Variants in ARK2N observed in about 807,000 individuals in gnomAD.
ARK2N encodes the protein protein ARK2N.
chr18:46,221,079 T>C, the ARK2N span, among the ~76,000 whole-genome samples: 1 of 152,146 alleles, frequency 6.6e-6, no homozygotes, highest in Non-Finnish European at 1.5e-5. Flanking sequence ...GAGGCTGTAG[T>C]GAGCCATGAT....
At chr18:46,182,240 G>A in the ARK2N span, among the ~76,000 whole-genome samples, 2,649 of 152,286 alleles carry the variant, frequency 0.017, 72 homozygotes, top group African/African-American at 0.06. Context: ...TAAATCAACA[G>A]TTTAGTGTCA....
chr18:46,200,709 G>A, the ARK2N span, among the ~76,000 whole-genome samples: 3 of 152,140 alleles, frequency 2.0e-5, no homozygotes, highest in African/African-American at 7.2e-5. Flanking sequence ...TTCTACAGCT[G>A]CAAAGCATTG....
chr18:46,266,065 T>C, the ARK2N span: 4 of 152,248 alleles, frequency 2.6e-5, no homozygotes, highest in Non-Finnish European at 4.4e-5. Flanking sequence ...GAATGAATAA[T>C]GCATTCTTTT....
At chr18:46,186,701 G>A in the ARK2N span, among the ~76,000 whole-genome samples, 1 of 151,578 alleles carries the variant, frequency 6.6e-6, no homozygotes, top group African/African-American at 2.4e-5. Flanking sequence ...GTAGAGAGGG[G>A]GTTTCACTGT....
chr18:46,251,788 A>T, the ARK2N span, among the ~76,000 whole-genome samples: 1 of 152,222 alleles, frequency 6.6e-6, no homozygotes, highest in Admixed American at 6.5e-5. Flanking sequence ...TAAGGAGTAA[A>T]TTATTAGGGA....
At chr18:46,189,773 C>T in the ARK2N span, among the ~76,000 whole-genome samples, 2 of 152,050 alleles carry the variant, frequency 1.3e-5, no homozygotes, top group Non-Finnish European at 2.9e-5. Flanking sequence ...CCAAGGTGGG[C>T]GGATCGCTTG....
At chr18:46,207,641 G>A in the ARK2N span, among the ~76,000 whole-genome samples, 2 of 151,990 alleles carry the variant, frequency 1.3e-5, no homozygotes, top group Non-Finnish European at 2.9e-5. Flanking sequence ...ACCTGCCTTG[G>A]TGTCCCAAAG....
At chr18:46,238,101 A>G in the ARK2N span, among the ~76,000 whole-genome samples, 1 of 152,286 alleles carries the variant, frequency 6.6e-6, no homozygotes, top group South Asian at 2.1e-4. Flanking sequence ...CTCTGCATGT[A>G]TACACTTATA....
the ARK2N span, among the ~76,000 whole-genome samples, chr18:46,256,747 G>A: frequency 6.6e-6 from 1 of 152,164 alleles, no homozygotes; most frequent in African/African-American, 2.4e-5. Context: ...ATTCTTTGGG[G>A]TATTTTTCAC....
the ARK2N span, among the ~76,000 whole-genome samples, chr18:46,176,081 C>G: frequency 9.5e-4 from 145 of 152,248 alleles, no homozygotes; most frequent in Middle Eastern, 0.01. Flanking sequence ...AGGGCTAATG[C>G]GTGTCCTTCA....
chr18:46,174,698 C>T, the ARK2N span, among the ~76,000 whole-genome samples: 2 of 152,046 alleles, frequency 1.3e-5, no homozygotes, highest in African/African-American at 4.8e-5. Flanking sequence ...GCCGCAGTCC[C>T]CGGGCTGCGG....
the ARK2N span, chr18:46,216,799 CAAAATT>C: frequency 9.3e-6 from 5 of 534,896 alleles, no homozygotes; most frequent in Non-Finnish European, 1.3e-5. This position sits in a 1 kb window ranked among gnomAD's most constrained non-coding sequence, Gnocchi z 4.3. Flanking sequence ...TCAGGAAAAA[CAAAATT>C]AAAGGGTTAA....
chr18:46,181,723 A>C, the ARK2N span, among the ~76,000 whole-genome samples: 15 of 152,108 alleles, frequency 9.9e-5, no homozygotes, highest in Non-Finnish European at 1.9e-4. Flanking sequence ...TCAAAAAAAA[A>C]CAAAAAACTA....
chr18:46,181,856 T>TTTC, the ARK2N span, among the ~76,000 whole-genome samples: 1 of 152,122 alleles, frequency 6.6e-6, no homozygotes, highest in Non-Finnish European at 1.5e-5. Flanking sequence ...GATCCTCCCA[T>TTTC]TTCAGCCTCT....
At chr18:46,174,488 G>T in the ARK2N span, among the ~76,000 whole-genome samples, 291 of 152,214 alleles carry the variant, frequency 1.9e-3, 2 homozygotes, top group Middle Eastern at 0.02. Context: ...GGCCTGGCTG[G>T]TGGGCGCCGG....
At chr18:46,200,087 TGTGTGC>T in the ARK2N span, among the ~76,000 whole-genome samples, 4 of 148,400 alleles carry the variant, frequency 2.7e-5, no homozygotes, top group South Asian at 6.3e-4. Context: ...TGTGTGTGTG[TGTGTGC>T]GCGCGCGTGC....
chr18:46,180,884 C>G, the ARK2N span, among the ~76,000 whole-genome samples: 1 of 152,120 alleles, frequency 6.6e-6, no homozygotes, highest in Non-Finnish European at 1.5e-5. Context: ...CTAGTGTTTT[C>G]CCTTATAAAT....
At chr18:46,198,403 A>G in the ARK2N span, among the ~76,000 whole-genome samples, 1 of 151,586 alleles carries the variant, frequency 6.6e-6, no homozygotes, top group Non-Finnish European at 1.5e-5. Flanking sequence ...AGATTTTTAC[A>G]TTGGTCCATA....
the ARK2N span, among the ~76,000 whole-genome samples, chr18:46,262,654 T>A: frequency 0.61 from 92,901 of 151,524 alleles, 30,992 homozygotes; most frequent in Non-Finnish European, 0.74. Flanking sequence ...AAACATCCTG[T>A]CACCCATGGT....
Sources: gnomAD v4.1 joint callset for allele counts (sites outside exome capture counted in the v4.1 genomes callset) on GRCh38, gnomAD v4.1.1 for gene constraint, Gnocchi (gnomAD v3.1) non-coding constraint, MANE v1.5 for transcripts, NCBI Gene and HGNC (gene_info 2026-07-23, HGNC 2026-07-21) for gene names.